The following TSC22D2 variants were observed in gnomAD, a reference collection of about 807,000 sequenced individuals.
TSC22D2 encodes the protein TSC22 domain family member 2, also known as TSC22 domain family protein 2.
TSC22D2 carries 5 observed loss-of-function variants against 50.1 expected under a neutral mutation model. That is an observed-to-expected ratio of 0.10 (90% CI 0.05 to 0.21). The LOEUF (loss-of-function observed/expected upper bound fraction) is 0.21. TSC22D2 is among the 10% of genes least tolerant of loss of function. The probability of loss-of-function intolerance (pLI) is 1.00; values close to 1 mark genes in which losing one functional copy is unlikely to be tolerated. For synonymous variants in TSC22D2, 501 were observed against 450.1 expected (o/e 1.11, Z -1.43); for missense variants, 1,003 against 1,015.5 (o/e 0.99, Z 0.17).
rs1289118493 is a variant in TSC22D2, at chr3:150,410,677, C to G, written c.1327C>G (p.Pro443Ala). The change falls in exon 1 of 3, where the codon CCA becomes GCA. Residue 443 changes from proline (P) to alanine (A), a missense_variant. Coordinates refer to ENST00000688009, the MANE Select transcript of TSC22D2 (RefSeq NM_001303264.2). Reference sequence around the variant, plus strand: ...CGAAGCCATGGCCCCCCGGACGGGACCAGCGCAAGGCGGGCAGGTCGCGCC... The same window carrying G: ...CGAAGCCATGGCCCCCCGGACGGGAGCAGCGCAAGGCGGGCAGGTCGCGCC... ...PSEAMAPRTG[P>A]AQGGQVAPCQ... The G allele has an allele frequency of 6.4e-7, 1 of 1,560,044 alleles. No homozygotes were observed. The highest frequency in any genetic ancestry group is 8.7e-7 in the Non-Finnish European group (1 of 1,154,680).
Position 150,458,802 on chromosome 3 carries a change from T to C in TSC22D2, c.*166T>C, listed in dbSNP as rs931207657. On this transcript the variant is annotated 3_prime_UTR_variant, in exon 3 of 3. Transcript: ENST00000688009. ...ACAAGAGCTTTTCCTCTCTCTGAGA[T>C]GTCATGCAGCGCTGTTGATGTCCAG... 2 of 809,492 alleles carry C rather than the reference T, an allele frequency of 2.5e-6. No individual in the cohort carries two copies. The highest frequency in any genetic ancestry group is 2.9e-5 in the Admixed American group (1 of 34,200). The allele number at this position is 809,492 out of a possible 1,614,324, so 50.1% of individuals were successfully genotyped here. A position where few individuals can be genotyped will look rare whatever the true frequency, so the allele number is the denominator to read the frequency against.
chr3:150,450,761 A>G (rs762743939), intron 1 of TSC22D2, among the ~76,000 whole-genome samples: 1 of 152,148 alleles, frequency 6.6e-6, no homozygotes, highest in Non-Finnish European at 1.5e-5. Context: ...AAGTTTACTG[A>G]ACTGTAGATT....
chr3:150,431,297 C>T (rs917755437), intron 1 of TSC22D2, among the ~76,000 whole-genome samples: 4 of 148,572 alleles, frequency 2.7e-5, no homozygotes, highest in Non-Finnish European at 4.5e-5. Flanking sequence ...GATACTTCAG[C>T]TTATGTTTCC....
intron 1 of TSC22D2, among the ~76,000 whole-genome samples, chr3:150,452,008 T>G (rs1415852350): frequency 6.6e-6 from 1 of 152,172 alleles, no homozygotes; most frequent in Non-Finnish European, 1.5e-5. Context: ...GGGCTTGCTT[T>G]CTTTTCTCTT....
At chr3:150,443,423 T>C (rs1227160315) in intron 1 of TSC22D2, among the ~76,000 whole-genome samples, 1 of 152,200 alleles carries the variant, frequency 6.6e-6, no homozygotes, top group African/African-American at 2.4e-5. Context: ...TAGTACATAG[T>C]CATAAAGTTC....
intron 1 of TSC22D2, among the ~76,000 whole-genome samples, chr3:150,431,181 C>T (rs1341702130): frequency 1.5e-5 from 2 of 135,672 alleles, no homozygotes; most frequent in Admixed American, 7.9e-5. Flanking sequence ...GCCGAGATCG[C>T]GCCACTGCAC....
chr3:150,439,788 G>T (rs950314869), intron 1 of TSC22D2, among the ~76,000 whole-genome samples: 8 of 152,062 alleles, frequency 5.3e-5, no homozygotes, highest in African/African-American at 1.7e-4. Context: ...AGTATGAGTC[G>T]TGAAAGAAAT....
intron 1 of TSC22D2, among the ~76,000 whole-genome samples, chr3:150,445,313 CAAAAAT>C (rs1405806103): frequency 2.0e-3 from 199 of 97,808 alleles, no homozygotes; most frequent in African/African-American, 7.4e-3. Context: ...GACTCTGTCT[CAAAAAT>C]AATAATAATA....
chr3:150,431,972 T>C (rs1174622589), intron 1 of TSC22D2, among the ~76,000 whole-genome samples: 1 of 152,234 alleles, frequency 6.6e-6, no homozygotes, highest in Non-Finnish European at 1.5e-5. Context: ...TGCTATCCTG[T>C]ATATACTGTT....
intron 1 of TSC22D2, among the ~76,000 whole-genome samples, chr3:150,416,908 A>G (rs1335204377): frequency 6.6e-6 from 1 of 152,156 alleles, no homozygotes; most frequent in Non-Finnish European, 1.5e-5. Flanking sequence ...TTAAATAATT[A>G]GTATTTAGTA....
At chr3:150,452,615 C>A (rs1243314354) in intron 1 of TSC22D2, among the ~76,000 whole-genome samples, 1 of 152,104 alleles carries the variant, frequency 6.6e-6, no homozygotes, top group Non-Finnish European at 1.5e-5. Context: ...GGTGGAGAGC[C>A]AGTTAGGATC....
intron 1 of TSC22D2, among the ~76,000 whole-genome samples, chr3:150,446,467 G>GAGT (rs1221900222): frequency 5.3e-5 from 8 of 152,202 alleles, no homozygotes; most frequent in Non-Finnish European, 1.2e-4. Context: ...ATGGGCAACA[G>GAGT]AGTGAGATCT....
intron 1 of TSC22D2, among the ~76,000 whole-genome samples, chr3:150,415,499 T>C (rs1576541871): frequency 6.6e-6 from 1 of 152,238 alleles, no homozygotes; most frequent in Non-Finnish European, 1.5e-5. Context: ...AGAATAAATA[T>C]AATGCCAATT....
Position 150,460,875 on chromosome 3 carries a change from GA to G in TSC22D2, c.*2241del, listed in dbSNP as rs951926146. On this transcript the variant is annotated 3_prime_UTR_variant, in exon 3 of 3. Coordinates refer to ENST00000688009, the MANE Select transcript of TSC22D2 (RefSeq NM_001303264.2). Reference sequence around the variant, plus strand: ...ACAAAGTAATAGTCTCCAAGGAAATGAATAATAAGGTTTAAAATGGTAACAG... The same window carrying G: ...ACAAAGTAATAGTCTCCAAGGAAATGATAATAAGGTTTAAAATGGTAACAG... 2 of 152,112 alleles carry G rather than the reference GA, an allele frequency of 1.3e-5. No individual in the cohort carries two copies. The highest frequency in any genetic ancestry group is 4.8e-5 in the African/African-American group (2 of 41,402). 9.4% of individuals were successfully genotyped at this position (152,112 alleles called of 1,614,324 possible).
intron 1 of TSC22D2, chr3:150,422,974 C>T: frequency 9.3e-7 from 1 of 1,077,292 alleles, no homozygotes. Flanking sequence ...CTAAAATCTT[C>T]CATCTTCTTT....
chr3:150,409,445 G>A lies in TSC22D2; in HGVS notation c.95G>A (p.Ser32Asn), dbSNP rs1719410497. The A allele has an allele frequency of 6.2e-7, 1 of 1,613,604 alleles. No homozygotes were observed. Among genetic ancestry groups the A allele is most frequent in the Non-Finnish European group, 8.5e-7 (1 of 1,179,904 alleles). Residue 32 changes from serine to asparagine, a missense_variant, in exon 1 of 3, where the codon AGC (serine) becomes AAC (asparagine). Coordinates refer to ENST00000688009, the MANE Select transcript of TSC22D2 (RefSeq NM_001303264.2). The surrounding 1 kb of genome is among the most constrained non-coding windows in gnomAD (Gnocchi z 7.4). ...VATSITEDTE[S>N]LDDPDESRTE... ...ACTAGCATCACCGAGGACACCGAGAGCTTGGACGACCCGGACGAGTCACGC... is the reference window on the plus strand; with the variant it reads ...ACTAGCATCACCGAGGACACCGAGAACTTGGACGACCCGGACGAGTCACGC...
chr3:150,453,550 G>A (rs1237666574), intron 1 of TSC22D2, among the ~76,000 whole-genome samples: 2 of 151,792 alleles, frequency 1.3e-5, no homozygotes, highest in Admixed American at 6.6e-5. Context: ...AATAGATTAC[G>A]GGGCCCCGCC....
chr3:150,430,672 A>G (rs1334197885), intron 1 of TSC22D2, among the ~76,000 whole-genome samples: 1 of 152,162 alleles, frequency 6.6e-6, no homozygotes, highest in Non-Finnish European at 1.5e-5. Context: ...GTTGGTATAG[A>G]AATTAAAGCT....
Position 150,410,442 on chromosome 3 carries a change from A to G in TSC22D2, c.1092A>G (p.Ile364Met). The G allele has an allele frequency of 6.2e-7, 1 of 1,609,200 alleles. No homozygotes were observed. Among genetic ancestry groups the G allele is most frequent in the Non-Finnish European group, 8.5e-7 (1 of 1,178,628 alleles). The change falls in exon 1 of 3, where the codon ATA (isoleucine) becomes ATG (methionine). Residue 364 changes from isoleucine (I) to methionine (M), a missense_variant. Physicochemically the swap from Ile to Met is conservative, Grantham distance 10. Transcript: ENST00000688009. Reference protein sequence around the residue: ...PQQFAYPQPQIPPGHLLPVQP... With the variant: ...PQQFAYPQPQMPPGHLLPVQP... Reference sequence around the variant, plus strand: ...AGTTCGCGTATCCTCAGCCTCAGATACCGCCCGGACATTTGCTGCCCGTCC... The same window carrying G: ...AGTTCGCGTATCCTCAGCCTCAGATGCCGCCCGGACATTTGCTGCCCGTCC...
Sources: gnomAD v4.1 joint callset for allele counts (sites outside exome capture counted in the v4.1 genomes callset) on GRCh38, gnomAD v4.1.1 for gene constraint, Gnocchi (gnomAD v3.1) non-coding constraint, MANE v1.5 for transcripts, NCBI Gene and HGNC (gene_info 2026-07-23, HGNC 2026-07-21) for gene names.